Variants in STK24 observed in about 807,000 individuals in gnomAD.
STK24 encodes the protein serine/threonine kinase 24.
A neutral mutation model predicts 55.6 loss-of-function variants in STK24; 21 were observed. That is an observed-to-expected ratio of 0.38 (90% CI 0.27 to 0.54). STK24 has a LOEUF of 0.54. Ranked by LOEUF, STK24 falls within the 20% of genes least tolerant of loss-of-function variation. STK24 has a pLI of 0.79. For synonymous variants in STK24, 200 were observed against 215.2 expected (o/e 0.93, Z 0.62); for missense variants, 383 against 538.4 (o/e 0.71, Z 2.86).
intron 2 of STK24, among the ~76,000 whole-genome samples, chr13:98,488,177 A>ACACG (rs897858553): frequency 6.8e-6 from 1 of 146,578 alleles, no homozygotes; most frequent in African/African-American, 2.6e-5. Context: ...ACACACACAC[A>ACACG]CACACACACA....
At chr13:98,538,084 A>G (rs1896784582) in intron 1 of STK24, among the ~76,000 whole-genome samples, 1 of 152,090 alleles carries the variant, frequency 6.6e-6, no homozygotes, top group Admixed American at 6.5e-5. Context: ...GTGCCCATCA[A>G]TGTCACTAAT....
chr13:98,478,230 A>AT (rs1894456783), intron 3 of STK24, among the ~76,000 whole-genome samples: 1 of 152,098 alleles, frequency 6.6e-6, no homozygotes, highest in Non-Finnish European at 1.5e-5. Flanking sequence ...CCAGGAAAAA[A>AT]ACCTAGACCA....
chr13:98,512,209 A>T (rs1895905200), intron 2 of STK24, among the ~76,000 whole-genome samples: 1 of 152,174 alleles, frequency 6.6e-6, no homozygotes, highest in Non-Finnish European at 1.5e-5. Flanking sequence ...AATTTTTAAA[A>T]ATGTTATGGG....
At chr13:98,504,737 C>A (rs1277556824) in intron 2 of STK24, among the ~76,000 whole-genome samples, 38 of 152,156 alleles carry the variant, frequency 2.5e-4, no homozygotes, top group Admixed American at 2.5e-3. Context: ...CATTTCTAAG[C>A]CCAGGAGAGG....
At position 98,503,024 on chromosome 13, in the gene STK24, G is replaced by GTTTTT. The variant is rs398038978; in HGVS notation, c.273+16214_273+16218dup. ...AATATATTAGAAATACTTTCCATGT[G>GTTTTT]TTTTTTTTTTTTTTTTTCAGTATGG... On this transcript the variant is annotated intron_variant, in intron 2 of 10. Transcript: ENST00000539966. Among the ~76,000 whole-genome samples, 11 of 107,056 alleles carry GTTTTT rather than the reference G, an allele frequency of 1.0e-4. 1 individual carries two copies. Among genetic ancestry groups the GTTTTT allele is most frequent in the South Asian group, 3.0e-4 (1 of 3,376 alleles). 70.2% of individuals were successfully genotyped at this position (107,056 alleles called of 152,430 possible). A position where few individuals can be genotyped will look rare whatever the true frequency, so the allele number is the denominator to read the frequency against.
At chr13:98,521,112 G>A (rs974642226) in intron 1 of STK24, among the ~76,000 whole-genome samples, 21 of 152,198 alleles carry the variant, frequency 1.4e-4, no homozygotes, top group Non-Finnish European at 2.8e-4. Flanking sequence ...GGTCTAACGA[G>A]CGGCCAGGGA....
rs1896176051 is a variant in STK24 at position 98,519,226 on chromosome 13, GT to G, written c.273+16del. On this transcript the variant is annotated intron_variant, in intron 2 of 10. Transcript: ENST00000539966. ...CAAGTGCTGCAGAACGGAGAAGCAC[GT>G]TATTTTAAGCCTTACCTTCAGATAG... The G allele has an allele frequency of 6.2e-7, 1 of 1,604,448 alleles. No individual in the cohort carries two copies. The highest frequency in any genetic ancestry group is 1.1e-5 in the South Asian group (1 of 90,910).
chr13:98,563,222 C>G (rs748730212), intron 1 of STK24, among the ~76,000 whole-genome samples: 10 of 152,130 alleles, frequency 6.6e-5, no homozygotes, highest in Non-Finnish European at 1.5e-4. Flanking sequence ...ACCGATGGCC[C>G]CAGGTCAATT....
At chr13:98,571,829 T>C (rs543368195) in intron 1 of STK24, among the ~76,000 whole-genome samples, 1 of 152,290 alleles carries the variant, frequency 6.6e-6, no homozygotes, top group African/African-American at 2.4e-5. Flanking sequence ...CCACTTAGGC[T>C]GTCCTACTGA....
chr13:98,512,850 A>G (rs1895933067), intron 2 of STK24, among the ~76,000 whole-genome samples: 1 of 152,044 alleles, frequency 6.6e-6, no homozygotes, highest in African/African-American at 2.4e-5. Flanking sequence ...TCCCATTAAG[A>G]CTCCACTCAG....
intron 2 of STK24, among the ~76,000 whole-genome samples, chr13:98,493,874 G>A (rs1384407176): frequency 2.0e-5 from 3 of 147,938 alleles, no homozygotes; most frequent in African/African-American, 5.0e-5. Flanking sequence ...GTCTCACTGT[G>A]TTGCCCAGGC....
At chr13:98,469,624 T>C (rs1894067629) in intron 5 of STK24, among the ~76,000 whole-genome samples, 1 of 151,810 alleles carries the variant, frequency 6.6e-6, no homozygotes, top group Non-Finnish European at 1.5e-5. Flanking sequence ...CTCCTTAGGA[T>C]CCCCTCTTTG....
At chr13:98,521,366 G>A (rs1786334511) in intron 1 of STK24, among the ~76,000 whole-genome samples, 1 of 152,174 alleles carries the variant, frequency 6.6e-6, no homozygotes, top group Non-Finnish European at 1.5e-5. Context: ...AAGCCTGGCT[G>A]TGTGTTTACA....
chr13:98,479,423 T>C (rs565962549), intron 3 of STK24, among the ~76,000 whole-genome samples: 1 of 152,276 alleles, frequency 6.6e-6, no homozygotes, highest in Non-Finnish European at 1.5e-5. Flanking sequence ...AAATCCCAAA[T>C]TTGCATTTTT....
chr13:98,554,947 G>A (rs1230203489), intron 1 of STK24, among the ~76,000 whole-genome samples: 1 of 149,936 alleles, frequency 6.7e-6, no homozygotes, highest in Non-Finnish European at 1.5e-5. Flanking sequence ...CCAGGGAGAT[G>A]GAGGTTGCAG....
intron 2 of STK24, 39 bp downstream of exon 2, chr13:98,519,204 G>C (rs757916983): frequency 1.9e-6 from 3 of 1,553,952 alleles, no homozygotes; most frequent in Non-Finnish European, 2.7e-6. Flanking sequence ...CCTCAGCCAA[G>C]TGCTGCAGAA....
At chr13:98,560,650 G>C (rs1247479645) in intron 1 of STK24, among the ~76,000 whole-genome samples, 1 of 152,102 alleles carries the variant, frequency 6.6e-6, no homozygotes, top group African/African-American at 2.4e-5. Flanking sequence ...AAGCCGACGT[G>C]GGTGGATCAT....
At chr13:98,555,333 G>T (rs2139441850) in intron 1 of STK24, among the ~76,000 whole-genome samples, 1 of 152,272 alleles carries the variant, frequency 6.6e-6, no homozygotes, top group East Asian at 1.9e-4. Context: ...TGTAATCCCA[G>T]CTCTTTGGGA....
At chr13:98,520,757 C>A (rs144491842) in intron 1 of STK24, among the ~76,000 whole-genome samples, 14 of 152,374 alleles carry the variant, frequency 9.2e-5, no homozygotes, top group African/African-American at 3.4e-4. Flanking sequence ...CTGTTGAAAG[C>A]CAGTCAGCCC....
Sources: gnomAD v4.1 joint callset for allele counts (sites outside exome capture counted in the v4.1 genomes callset) on GRCh38, gnomAD v4.1.1 for gene constraint, MANE v1.5 for transcripts, NCBI Gene and HGNC (gene_info 2026-07-23, HGNC 2026-07-21) for gene names.